SERAC1: variants seen among roughly 807,000 people sequenced by gnomAD.
SERAC1 encodes serine active site containing 1.
Under a neutral mutation model 85.7 loss-of-function variants are expected in SERAC1, and 36 were observed. That is an observed-to-expected ratio of 0.42 (90% CI 0.32 to 0.55). The LOEUF is 0.55. Ranked by LOEUF, SERAC1 falls within the 20% of genes least tolerant of loss-of-function variation. The probability of loss-of-function intolerance (pLI) is 0.11; values close to 1 mark genes in which losing one functional copy is unlikely to be tolerated. For synonymous variants in SERAC1, 242 were observed against 265.3 expected (o/e 0.91, Z 0.85); for missense variants, 629 against 796.2 (o/e 0.79, Z 2.53).
At chr6:158,154,958 GCCGGAGCTGAGTGAGTGCCCA>G (rs1785293322) in intron 3 of SERAC1, among the ~76,000 whole-genome samples, 3 of 151,960 alleles carry the variant, frequency 2.0e-5, no homozygotes, top group Admixed American at 6.6e-5. Flanking sequence ...ATTTAAGTGC[GCCGGAGCTGAGTGAGTGCCCA>G]ATTTAAGCCT....
intron 9 of SERAC1, among the ~76,000 whole-genome samples, chr6:158,130,165 G>C (rs1784642171): frequency 6.6e-6 from 1 of 152,168 alleles, no homozygotes; most frequent in Non-Finnish European, 1.5e-5. Context: ...TAAATTTTTA[G>C]AAATACTTAG....
At chr6:158,111,655 T>G in intron 16 of SERAC1, 153 bp from the exon 17 acceptor site, 1 of 534,454 alleles carries the variant, frequency 1.9e-6, no homozygotes, top group South Asian at 2.9e-5. Flanking sequence ...TGATTGCAGC[T>G]AAACTACATT....
At position 158,115,727 on chromosome 6, in the gene SERAC1, T is replaced by C. The variant is rs116118840; in HGVS notation, c.1501+458A>G. 6.7e-3 allele frequency among the ~76,000 whole-genome samples: 1,027 copies of C among 152,274 alleles called. 15 individuals carry two copies. Among genetic ancestry groups the C allele is most frequent in the African/African-American group, 0.024 (979 of 41,544 alleles). The stretch of plus-strand genomic sequence containing the variant: ...AAGAACAGACACTTGATCACACCTG[T>C]ACCTCAGCAGCTCTGGGCCTGGTGT... On this transcript the variant is annotated intron_variant, in intron 14 of 16. Transcript: ENST00000647468.
At chr6:158,118,312 A>G (rs191683546) in intron 12 of SERAC1, among the ~76,000 whole-genome samples, 44 of 152,334 alleles carry the variant, frequency 2.9e-4, no homozygotes, top group African/African-American at 1.0e-3. Flanking sequence ...GCCTTTGTGA[A>G]GGAGAATAAG....
chr6:158,112,971 C>G (rs1372856888), intron 16 of SERAC1: 1 of 158,594 alleles, frequency 6.3e-6, no homozygotes, highest in Admixed American at 6.4e-5. Context: ...CCCTCAACCC[C>G]AGGATCATGA....
intron 15 of SERAC1, 101 bp downstream of exon 15, chr6:158,114,688 T>TTATAAAATGATATAATACATTCAAGGAA: frequency 1.4e-6 from 2 of 1,434,940 alleles, no homozygotes; most frequent in Non-Finnish European, 1.9e-6. Context: ...TATATACAAA[T>TTATAAAATGATATAATACATTCAAGGAA]TATAAAATGA....
intron 5 of SERAC1, 64 bp from the exon 6 acceptor site, chr6:158,146,977 A>C: frequency 6.5e-7 from 1 of 1,533,740 alleles, no homozygotes. Flanking sequence ...TCTTCACTTT[A>C]AGATGGTAAT....
intron 10 of SERAC1, among the ~76,000 whole-genome samples, chr6:158,125,812 A>G (rs1784526584): frequency 6.6e-6 from 1 of 152,250 alleles, no homozygotes; most frequent in South Asian, 2.1e-4. Flanking sequence ...TGGGGTTGTA[A>G]GGATCTTACA....
At chr6:158,143,604 T>C (rs1562450590) in intron 7 of SERAC1, among the ~76,000 whole-genome samples, 1 of 152,110 alleles carries the variant, frequency 6.6e-6, no homozygotes, top group East Asian at 1.9e-4. Context: ...TCAAAATGAA[T>C]TATTGCACCC....
In SERAC1 at chr6:158,116,214, G is replaced by A. The variant is rs745462240; in HGVS notation, c.1472C>T (p.Pro491Leu). 1.2e-6 allele frequency: 2 copies of A among 1,614,000 alleles called. No individual in the cohort carries two copies. The highest frequency in any genetic ancestry group is 3.3e-5 in the Admixed American group (2 of 60,018). Residue 491 changes from proline (P) to leucine (L), a missense_variant, in exon 14 of 17, where the codon CCA becomes CTA. Coordinates refer to ENST00000647468, the MANE Select transcript of SERAC1 (RefSeq NM_032861.4). Reference protein sequence around the residue: ...KLRAAGVGDRPVVWISHSMGG... With the variant: ...KLRAAGVGDRLVVWISHSMGG... ...CATGCTATGTGATATCCAAACCACT[G>A]GCCTATCCCCAACACCAGCAGCTCT... is the stretch of plus-strand genomic sequence containing the variant.
chr6:158,152,368 T>C (rs931778327), intron 3 of SERAC1, among the ~76,000 whole-genome samples: 1 of 152,056 alleles, frequency 6.6e-6, no homozygotes, highest in African/African-American at 2.4e-5. Flanking sequence ...ATACAAAACT[T>C]AGCCAGGCAT....
At chr6:158,125,472 C>G (rs1324373278) in intron 10 of SERAC1, among the ~76,000 whole-genome samples, 1 of 152,120 alleles carries the variant, frequency 6.6e-6, no homozygotes, top group Non-Finnish European at 1.5e-5. Context: ...GCCTCCAGAA[C>G]TGAGACACAA....
At chr6:158,125,065 G>A (rs1245238933) in intron 10 of SERAC1, among the ~76,000 whole-genome samples, 3 of 152,142 alleles carry the variant, frequency 2.0e-5, no homozygotes, top group Admixed American at 6.6e-5. Context: ...TCACACGACT[G>A]TTCCTATGGT....
At chr6:158,115,119 T>C in intron 14 of SERAC1, 148 bp from the exon 15 acceptor site, 1 of 795,044 alleles carries the variant, frequency 1.3e-6, no homozygotes, top group Non-Finnish European at 2.0e-6. Context: ...TGTACAGTAG[T>C]ATAAGAAATA....
Position 158,144,417 on chromosome 6 carries a change from TA to T in SERAC1, c.490del (p.Tyr164ThrfsTer5). ...EMSETHHWHDYQYRIIAQACD... is the reference protein window; with the variant it reads ...EMSETHHWHDXQYRIIAQACD... ...GGCTTGAGCAATTATCCTATACTGGTAATCTATTGAAAAAGCATTTTCTTTT... is the reference window on the plus strand; with the variant it reads ...GGCTTGAGCAATTATCCTATACTGGTATCTATTGAAAAAGCATTTTCTTTT... On this transcript the variant is annotated frameshift_variant and splice_region_variant, in exon 7 of 17. Coordinates refer to ENST00000647468, the MANE Select transcript of SERAC1 (RefSeq NM_032861.4). LOFTEE classifies it high-confidence loss of function. The T allele has an allele frequency of 6.4e-7, 1 of 1,567,892 alleles. No homozygotes were observed. Among genetic ancestry groups the T allele is most frequent in the African/African-American group, 1.4e-5 (1 of 73,738 alleles).
In SERAC1 at chr6:158,117,282, A is replaced by T; in HGVS notation, c.1403+445T>A. On this transcript the variant is annotated intron_variant, in intron 13 of 16. Transcript: ENST00000647468. This position sits in a 1 kb window ranked among gnomAD's most constrained non-coding sequence, Gnocchi z 4.3. Reference sequence around the variant, plus strand: ...GGTAGGATCCGGCTACTCTCAGTCCAGTAACTCTGAAATCCAGCACTCCTT... The same window carrying T: ...GGTAGGATCCGGCTACTCTCAGTCCTGTAACTCTGAAATCCAGCACTCCTT... 1 of 544,068 alleles carries T rather than the reference A, an allele frequency of 1.8e-6. No homozygotes were observed. The highest frequency in any genetic ancestry group is 3.3e-5 in the Admixed American group (1 of 30,590). The allele number at this position is 544,068 out of a possible 1,614,324, so 33.7% of individuals were successfully genotyped here. A position where few individuals can be genotyped will look rare whatever the true frequency, so the allele number is the denominator to read the frequency against.
rs753996196 is a variant in SERAC1 at position 158,116,180 on chromosome 6, C to T, written c.1501+5G>A. ...GCCACTTCACAAAGTTGAAGCCACA[C>T]TTACCTCCCATGCTATGTGATATCC... On this transcript the variant is annotated splice_donor_5th_base_variant and intron_variant, in intron 14 of 16. Transcript: ENST00000647468. 30 of 1,612,628 alleles carry T rather than the reference C, an allele frequency of 1.9e-5. No homozygotes were observed. In the East Asian group the frequency reaches 6.2e-4, roughly 34 times the overall value.
chr6:158,118,356 A>G (rs781468087), intron 12 of SERAC1, among the ~76,000 whole-genome samples: 1 of 152,236 alleles, frequency 6.6e-6, no homozygotes, highest in Non-Finnish European at 1.5e-5. Context: ...AACTATTCAC[A>G]CGTATATGCA....
Position 158,158,376 on chromosome 6 carries a change from G to C in SERAC1, c.-1-12C>G. The C allele has an allele frequency of 6.3e-7, 1 of 1,584,588 alleles. No individual in the cohort carries two copies. The highest frequency in any genetic ancestry group is 8.7e-7 in the Non-Finnish European group (1 of 1,154,718). On this transcript the variant is annotated splice_polypyrimidine_tract_variant and intron_variant, in intron 1 of 16. Coordinates refer to ENST00000647468, the MANE Select transcript of SERAC1 (RefSeq NM_032861.4). ...CAGCCAGGGACATTCTGTGTAAGTA[G>C]AACAATTACAACAAATTTAATTTAG...
Sources: gnomAD v4.1 joint callset for allele counts (sites outside exome capture counted in the v4.1 genomes callset) on GRCh38, gnomAD v4.1.1 for gene constraint, Gnocchi (gnomAD v3.1) non-coding constraint, MANE v1.5 for transcripts, NCBI Gene and HGNC (gene_info 2026-07-23, HGNC 2026-07-21) for gene names.